Variants in DLC1 observed in about 807,000 individuals in gnomAD.
The protein encoded by DLC1 is rho GTPase-activating protein 7.
A neutral mutation model predicts 140.3 loss-of-function variants in DLC1; 54 were observed. The ratio of observed to expected loss-of-function variants is 0.38; its 90% CI spans 0.31 to 0.48. The LOEUF is 0.48. DLC1 is among the 20% of genes least tolerant of loss of function. DLC1 has a pLI of 0.96. For synonymous variants in DLC1, 986 were observed against 728.1 expected, an observed-to-expected ratio of 1.35 and a Z score of -5.70; for missense variants, 2,536 against 1,907.0, an observed-to-expected ratio of 1.33 and a Z score of -6.14.
chr8:13,482,660 C>T (rs1490278658), intron 2 of DLC1, among the ~76,000 whole-genome samples: 2 of 152,114 alleles, frequency 1.3e-5, no homozygotes, highest in Non-Finnish European at 2.9e-5. Flanking sequence ...TTAGGTAGAA[C>T]TTAAGATAAG....
At chr8:13,333,010 G>A (rs549995085) in intron 4 of DLC1, among the ~76,000 whole-genome samples, 1 of 151,994 alleles carries the variant, frequency 6.6e-6, no homozygotes, top group Non-Finnish European at 1.5e-5. Flanking sequence ...TACCTCTCTA[G>A]AATTGTGGCA....
chr8:13,088,245 G>A (rs2584558), intron 16 of DLC1, among the ~76,000 whole-genome samples: 16,570 of 151,970 alleles, frequency 0.11, 1,479 homozygotes, highest in African/African-American at 0.24. Flanking sequence ...ACATCTAGCT[G>A]ATTTTTAAAA....
At position 13,170,398 on chromosome 8, in the gene DLC1, A is replaced by G. The variant is rs565287583; in HGVS notation, c.1349-54741T>C. ...TCTGAATTGAACATTAGTAACATAT[A>G]AATGGCATACATTACTTATCTCAGA... On this transcript the variant is annotated intron_variant, in intron 5 of 17. Transcript: ENST00000276297. Among the ~76,000 whole-genome samples the G allele has an allele frequency of 3.3e-5, 5 of 152,332 alleles. No homozygotes were observed. The South Asian group carries it at 1.0e-3, about 32-fold the overall frequency.
At chr8:13,277,660 ATTT>A (rs1271417483) in intron 5 of DLC1, among the ~76,000 whole-genome samples, 1 of 152,250 alleles carries the variant, frequency 6.6e-6, no homozygotes, top group Admixed American at 6.5e-5. Context: ...AATTTGGCAG[ATTT>A]TTTGCCTTTT....
chr8:13,566,474 G>C (rs1804432468), intron 1 of DLC1, among the ~76,000 whole-genome samples: 1 of 151,316 alleles, frequency 6.6e-6, no homozygotes, highest in Non-Finnish European at 1.5e-5. Flanking sequence ...TGCTCTACAA[G>C]GAGGTGTCTC....
At chr8:13,509,362 T>C (rs1462832113) in intron 1 of DLC1, among the ~76,000 whole-genome samples, 2 of 152,188 alleles carry the variant, frequency 1.3e-5, no homozygotes, top group Non-Finnish European at 2.9e-5. Flanking sequence ...AAGATGTCAT[T>C]AGGAACTTAA....
intron 1 of DLC1, among the ~76,000 whole-genome samples, chr8:13,571,144 A>G (rs1032682219): frequency 2.0e-5 from 3 of 152,196 alleles, no homozygotes; most frequent in Non-Finnish European, 2.9e-5. Context: ...TGCAAATACG[A>G]ACACCAAAGA....
At chr8:13,413,854 C>G (rs79974235) in intron 2 of DLC1, among the ~76,000 whole-genome samples, 1 of 152,040 alleles carries the variant, frequency 6.6e-6, no homozygotes, top group Non-Finnish European at 1.5e-5. Flanking sequence ...TTATAAATTA[C>G]GCAGTCTCAA....
At chr8:13,393,392 C>T (rs1028273502) in intron 4 of DLC1, among the ~76,000 whole-genome samples, 161 bp downstream of exon 4, 1 of 152,128 alleles carries the variant, frequency 6.6e-6, no homozygotes, top group Non-Finnish European at 1.5e-5. Flanking sequence ...AAACAAAAAA[C>T]ATTTTTCTAG....
intron 4 of DLC1, among the ~76,000 whole-genome samples, chr8:13,368,102 T>G (rs1347473670): frequency 6.6e-6 from 1 of 152,160 alleles, no homozygotes; most frequent in Non-Finnish European, 1.5e-5. Flanking sequence ...ACAGCTGAAT[T>G]TAATCCAGTA....
At chr8:13,434,180 A>G (rs554875015) in intron 2 of DLC1, among the ~76,000 whole-genome samples, 8 of 152,246 alleles carry the variant, frequency 5.3e-5, no homozygotes, top group African/African-American at 1.9e-4. Flanking sequence ...CCCAGCCACA[A>G]TCATGGTTTG....
chr8:13,582,424 A>T (rs375049786), intron 1 of DLC1, among the ~76,000 whole-genome samples: 6 of 152,184 alleles, frequency 3.9e-5, no homozygotes, highest in African/African-American at 1.4e-4. Context: ...GGACTGGGGA[A>T]GGCAGACCCA....
intron 1 of DLC1, 35 bp downstream of exon 1, chr8:13,514,567 G>A (rs1376590259): frequency 1.0e-5 from 4 of 398,302 alleles, no homozygotes; most frequent in Admixed American, 8.8e-5. Flanking sequence ...TTCAAAGACC[G>A]CCTCAAAGCA....
intron 2 of DLC1, among the ~76,000 whole-genome samples, chr8:13,497,602 G>T (rs938597553): frequency 2.6e-5 from 4 of 152,206 alleles, no homozygotes; most frequent in Non-Finnish European, 4.4e-5. Context: ...TGTTCAAGTG[G>T]TGAGTATATG....
chr8:13,501,904 G>T (rs1319122202), intron 1 of DLC1, among the ~76,000 whole-genome samples: 8 of 152,122 alleles, frequency 5.3e-5, no homozygotes, highest in Admixed American at 5.2e-4. Context: ...CTGCTTTCAT[G>T]GGCACATTTG....
At chr8:13,466,728 A>T (rs114093507) in intron 2 of DLC1, among the ~76,000 whole-genome samples, 5 of 152,260 alleles carry the variant, frequency 3.3e-5, no homozygotes, top group African/African-American at 1.2e-4. Context: ...TTCCTAACTG[A>T]TCTTCCTGGA....
intron 4 of DLC1, among the ~76,000 whole-genome samples, chr8:13,327,964 C>T (rs1833439788): frequency 6.6e-6 from 1 of 152,154 alleles, no homozygotes; most frequent in African/African-American, 2.4e-5. Context: ...ACTCCTCAGA[C>T]TGGGAACTAC....
intron 2 of DLC1, among the ~76,000 whole-genome samples, chr8:13,418,932 C>T (rs1055245491): frequency 1.3e-5 from 2 of 151,920 alleles, no homozygotes; most frequent in African/African-American, 4.8e-5. Flanking sequence ...TCCTTCACGT[C>T]CCTTGTAAGT....
At chr8:13,311,507 C>T (rs1177870499) in intron 4 of DLC1, among the ~76,000 whole-genome samples, 1 of 152,186 alleles carries the variant, frequency 6.6e-6, no homozygotes, top group Admixed American at 6.5e-5. Context: ...TAAATGCACA[C>T]ACAATTATCT....
Sources: gnomAD v4.1 joint callset for allele counts (sites outside exome capture counted in the v4.1 genomes callset) on GRCh38, gnomAD v4.1.1 for gene constraint, MANE v1.5 for transcripts, NCBI Gene and HGNC (gene_info 2026-07-23, HGNC 2026-07-21) for gene names.